Variants in PDE4D observed in about 807,000 individuals in gnomAD.
PDE4D encodes the protein 3',5'-cyclic-AMP phosphodiesterase 4D.
In PDE4D, 24 loss-of-function variants were observed where a neutral mutation model predicts 87.4. The observed-to-expected ratio is 0.27, with a 90% CI of 0.20 to 0.39. PDE4D has a LOEUF of 0.39. Ranked by LOEUF, PDE4D falls within the 10% of genes least tolerant of loss-of-function variation. The pLI is 1.00. For missense variants in PDE4D, 714 were observed against 1,041.0 expected (o/e 0.69, Z 4.32); for synonymous variants, 384 against 383.2 (o/e 1.00, Z -0.02).
intron 1 of PDE4D, among the ~76,000 whole-genome samples, chr5:59,340,850 A>G (rs1318424789): frequency 1.3e-5 from 2 of 152,260 alleles, no homozygotes; most frequent in South Asian, 2.1e-4. Flanking sequence ...ATTGTTGCAG[A>G]TGACAGGATC....
intron 1 of PDE4D, among the ~76,000 whole-genome samples, chr5:60,340,899 C>T (rs1003654541): frequency 6.6e-6 from 1 of 152,068 alleles, no homozygotes. Flanking sequence ...AAATAATTTC[C>T]CAGTCTTCCA....
At chr5:59,273,383 T>C (rs191429147) in intron 1 of PDE4D, among the ~76,000 whole-genome samples, 1 of 152,170 alleles carries the variant, frequency 6.6e-6, no homozygotes, top group East Asian at 1.9e-4. Flanking sequence ...ATATTTTCTC[T>C]ATATACCAAA....
intron 1 of PDE4D, among the ~76,000 whole-genome samples, chr5:59,731,398 G>A (rs1180325232): frequency 2.0e-5 from 3 of 152,028 alleles, no homozygotes; most frequent in African/African-American, 7.2e-5. Context: ...AGGATGGCTG[G>A]CACAGAAGAA....
At chr5:59,516,587 C>T (rs1488139272) in intron 1 of PDE4D, among the ~76,000 whole-genome samples, 7 of 152,072 alleles carry the variant, frequency 4.6e-5, no homozygotes, top group Non-Finnish European at 1.0e-4. Context: ...AAGAATCATT[C>T]TTTTCTTCGG....
chr5:59,784,142 T>C (rs1764904825), intron 1 of PDE4D, among the ~76,000 whole-genome samples: 1 of 152,028 alleles, frequency 6.6e-6, no homozygotes, highest in Non-Finnish European at 1.5e-5. Flanking sequence ...GAGAAGTCAC[T>C]GCATATCAGG....
At chr5:60,119,773 A>G (rs1037323144) in intron 2 of PDE4D, among the ~76,000 whole-genome samples, 1 of 152,234 alleles carries the variant, frequency 6.6e-6, no homozygotes, top group African/African-American at 2.4e-5. Context: ...AGTGGGTATG[A>G]GAAATATTAA....
chr5:59,779,015 T>C (rs968183500), intron 1 of PDE4D, among the ~76,000 whole-genome samples: 1 of 151,910 alleles, frequency 6.6e-6, no homozygotes, highest in African/African-American at 2.4e-5. Context: ...ATACAAAAAT[T>C]AGCTGGGCAT....
At position 60,056,293 on chromosome 5, in the gene PDE4D, G is replaced by A. The variant is rs1359978971; in HGVS notation, c.43-67576C>T. Reference sequence around the variant, plus strand: ...TAAACACCTTTTCCCAATGAGGCTGGCAGGCTGCACTGAGAATCAGAGGCA... The same window carrying A: ...TAAACACCTTTTCCCAATGAGGCTGACAGGCTGCACTGAGAATCAGAGGCA... On this transcript the variant is annotated intron_variant, in intron 2 of 16. Coordinates refer to the PDE4D transcript ENST00000502484. 2.6e-5 allele frequency among the ~76,000 whole-genome samples: 4 copies of A among 151,972 alleles called. No homozygotes were observed. In the East Asian group the frequency reaches 5.8e-4, roughly 22 times the overall value.
At chr5:59,793,924 C>A (rs1223649673) in intron 1 of PDE4D, among the ~76,000 whole-genome samples, 1 of 152,124 alleles carries the variant, frequency 6.6e-6, no homozygotes, top group Non-Finnish European at 1.5e-5. Context: ...CCCAGTGGGC[C>A]ATCATGAAAA....
At chr5:59,105,952 G>T (rs1771511127) in intron 5 of PDE4D, among the ~76,000 whole-genome samples, 1 of 152,200 alleles carries the variant, frequency 6.6e-6, no homozygotes, top group Admixed American at 6.5e-5. Context: ...AAGACAGATG[G>T]AAGTGTTCGT....
intron 1 of PDE4D, among the ~76,000 whole-genome samples, chr5:59,416,406 T>A (rs1793617549): frequency 1.3e-5 from 2 of 152,096 alleles, no homozygotes; most frequent in African/African-American, 2.4e-5. Context: ...TTTTTTTCCA[T>A]GGGGGTTCGT....
At chr5:59,199,962 A>G (rs940083502) in intron 2 of PDE4D, among the ~76,000 whole-genome samples, 1 of 151,218 alleles carries the variant, frequency 6.6e-6, no homozygotes, top group Non-Finnish European at 1.5e-5. Flanking sequence ...ATGTATACAT[A>G]CAGGCACATA....
At chr5:60,265,112 T>A (rs1583251554) in intron 1 of PDE4D, among the ~76,000 whole-genome samples, 1 of 152,064 alleles carries the variant, frequency 6.6e-6, no homozygotes, top group African/African-American at 2.4e-5. Flanking sequence ...AGGGAGGAGT[T>A]CCCACCCTAG....
At chr5:60,430,528 G>GTT (rs1561247511) in intron 1 of PDE4D, among the ~76,000 whole-genome samples, 3 of 118,464 alleles carry the variant, frequency 2.5e-5, no homozygotes, top group African/African-American at 1.2e-4. Context: ...TTTTTTGTTT[G>GTT]TGTTTTGTTT....
chr5:59,688,863 C>G (rs529744160), intron 1 of PDE4D, among the ~76,000 whole-genome samples: 1 of 151,898 alleles, frequency 6.6e-6, no homozygotes, highest in Non-Finnish European at 1.5e-5. Flanking sequence ...ATCAAATAGA[C>G]GCAATAAAAA....
chr5:59,882,544 G>A (rs972721244), intron 1 of PDE4D, among the ~76,000 whole-genome samples: 5 of 152,118 alleles, frequency 3.3e-5, no homozygotes, highest in African/African-American at 1.2e-4. Context: ...AGGGCTGTGA[G>A]TAAATTATTC....
chr5:59,965,670 T>A lies in PDE4D; in HGVS notation c.272+22818A>T, dbSNP rs143706912. Among the ~76,000 whole-genome samples, 620 of 152,254 alleles carry A rather than the reference T, an allele frequency of 4.1e-3. 8 individuals are homozygous for A. Among genetic ancestry groups the A allele is most frequent in the African/African-American group, 0.014 (583 of 41,552 alleles). On this transcript the variant is annotated intron_variant, in intron 3 of 16. Transcript: ENST00000502484. ...CTCCCTGCCACAAGAAGCAGATAGTTATGGTATTTTAATACTTTACAAGCT... is the reference window on the plus strand; with the variant it reads ...CTCCCTGCCACAAGAAGCAGATAGTAATGGTATTTTAATACTTTACAAGCT...
chr5:60,056,984 C>T (rs1508864), intron 2 of PDE4D, among the ~76,000 whole-genome samples: 107,295 of 151,958 alleles, frequency 0.71, 38,645 homozygotes, highest in African/African-American at 0.8. Flanking sequence ...CCTATTCCAA[C>T]ACCTATCAAC....
intron 1 of PDE4D, among the ~76,000 whole-genome samples, chr5:60,259,447 C>T (rs1428726895): frequency 6.6e-6 from 1 of 151,998 alleles, no homozygotes; most frequent in Non-Finnish European, 1.5e-5. Context: ...TTTATCGAGA[C>T]CAAAGAAAGA....
Sources: allele counts gnomAD v4.1 joint callset (sites outside exome capture counted in the v4.1 genomes callset), GRCh38; gene constraint gnomAD v4.1.1; transcripts MANE v1.5; gene names NCBI Gene and HGNC (gene_info 2026-07-23, HGNC 2026-07-21).